The following TNXB variants were observed in gnomAD, a reference collection of about 807,000 sequenced individuals.
The protein encoded by TNXB is tenascin-X.
Under a neutral mutation model 340.5 loss-of-function variants are expected in TNXB, and 183 were observed. The ratio of observed to expected loss-of-function variants is 0.54; its 90% CI spans 0.48 to 0.61. TNXB has a LOEUF of 0.61. TNXB is among the 20% of genes least tolerant of loss of function. TNXB has a pLI of 0.00. For synonymous variants in TNXB, 2,121 were observed against 2,314.5 expected, an observed-to-expected ratio of 0.92 and a Z score of 2.40; for missense variants, 4,613 against 5,446.4, an observed-to-expected ratio of 0.85 and a Z score of 4.82.
chr6:32,078,765 C>T, intron 11 of TNXB: 1 of 473,878 alleles, frequency 2.1e-6, no homozygotes, highest in Non-Finnish European at 3.7e-6. Flanking sequence ...TGATGCTTTA[C>T]ATCTGTTAAC....
In TNXB at chr6:32,085,817, C is replaced by T. The variant is rs1256338432; in HGVS notation, c.3081G>A (p.Glu1027=). 3 of 1,601,784 alleles carry T rather than the reference C, an allele frequency of 1.9e-6. No homozygotes were observed. Among genetic ancestry groups the T allele is most frequent in the East Asian group, 2.2e-5 (1 of 44,822 alleles). ...CAGGAGGGACCCCATGAAGTGACAG[C>T]TCATACGGGGTTCCAGGAGGGGGTG... ...VPPPPPGTPY[E]LSLHGVPPGG... Residue 1027 remains glutamate (E), a synonymous_variant, in exon 7 of 44, where the codon GAG becomes GAA. Coordinates refer to ENST00000644971, the MANE Select transcript of TNXB (RefSeq NM_001365276.2). This position sits in a 1 kb window ranked among gnomAD's most constrained non-coding sequence, Gnocchi z 6.4.
At chr6:32,050,464 C>T in intron 26 of TNXB, 143 bp from the exon 27 acceptor site, 4 of 1,147,514 alleles carry the variant, frequency 3.5e-6, no homozygotes, top group Non-Finnish European at 4.9e-6. Context: ...CTCTCCTCCC[C>T]TGCGGCCTTT....
chr6:32,048,185 A>G (rs550809927), intron 29 of TNXB, among the ~76,000 whole-genome samples, 173 bp from the exon 30 acceptor site: 35 of 152,256 alleles, frequency 2.3e-4, no homozygotes, highest in Admixed American at 3.9e-4. Flanking sequence ...GGGTGCAGGG[A>G]AAGTAGGGAG....
chr6:32,055,655 C>G (rs1353443590), intron 24 of TNXB, among the ~76,000 whole-genome samples, 196 bp downstream of exon 24: 1 of 152,192 alleles, frequency 6.6e-6, no homozygotes, highest in Non-Finnish European at 1.5e-5. Context: ...CAGCAGCATC[C>G]GCATCATTTC....
chr6:32,054,753 C>A (rs1056389747), intron 24 of TNXB, among the ~76,000 whole-genome samples: 2 of 152,228 alleles, frequency 1.3e-5, no homozygotes, highest in African/African-American at 4.8e-5. Flanking sequence ...GTGTGTGTCA[C>A]TTTCCAGCTT....
In TNXB at chr6:32,069,052, TC is replaced by T; in HGVS notation, c.5671del (p.Glu1891ArgfsTer13). The part of the protein sequence containing the change: ...EPHLGELTVE[E>X]ATSHTLHLSW... ...GAGATGCAGGGTGTGTGACGTGGCC[TC>T]CTCCACTGTCAACTCCCCGAGGTGG... On this transcript the variant is annotated frameshift_variant, in exon 16 of 44. Transcript: ENST00000644971. LOFTEE classifies it high-confidence loss of function. This position sits in a 1 kb window ranked among gnomAD's most constrained non-coding sequence, Gnocchi z 6.2. 1 of 1,612,802 alleles carries T rather than the reference TC, an allele frequency of 6.2e-7. No individual in the cohort carries two copies. The highest frequency in any genetic ancestry group is 8.5e-7 in the Non-Finnish European group (1 of 1,179,844).
intron 23 of TNXB, among the ~76,000 whole-genome samples, 199 bp from the exon 24 acceptor site, chr6:32,056,373 G>C (rs1274293305): frequency 2.0e-5 from 3 of 152,102 alleles, no homozygotes; most frequent in African/African-American, 4.8e-5. Flanking sequence ...GGGGACCTGG[G>C]ACAGTCACCA....
At position 32,103,114 on chromosome 6, in the gene TNXB, T is replaced by G. The variant is rs138642630; in HGVS notation, c.-8-4908A>C. On this transcript the variant is annotated intron_variant, in intron 1 of 43. Transcript: ENST00000644971. ...GAGCTGCACACTTAAGACTTTGGCATTTTGCTGTATAAAAATTGAACCATG... is the reference window on the plus strand; with the variant it reads ...GAGCTGCACACTTAAGACTTTGGCAGTTTGCTGTATAAAAATTGAACCATG... Among the ~76,000 whole-genome samples the G allele has an allele frequency of 3.0e-3, 463 of 152,124 alleles. 7 individuals carry two copies. The South Asian group carries it at 0.034, about 11-fold the overall frequency.
chr6:32,041,521 G>T lies in TNXB; in HGVS notation c.12634-71C>A, dbSNP rs1465299055. The T allele has an allele frequency of 1.4e-5, 17 of 1,192,216 alleles. 1 individual carries two copies. Among genetic ancestry groups the T allele is most frequent in the Non-Finnish European group, 1.7e-5 (14 of 827,958 alleles). The allele number at this position is 1,192,216 out of a possible 1,614,324, so 73.9% of individuals were successfully genotyped here. ...CTGCTCTTCCCGTTCCCCTTAAGGA[G>T]GTAGCTCCCAGCACTCAACCAACCT... On this transcript the variant is annotated intron_variant, in intron 43 of 43. Coordinates refer to ENST00000644971, the MANE Select transcript of TNXB (RefSeq NM_001365276.2).
intron 29 of TNXB, 109 bp from the exon 30 acceptor site, chr6:32,048,121 T>C (rs1777019117): frequency 1.5e-6 from 2 of 1,368,710 alleles, no homozygotes; most frequent in East Asian, 2.3e-5. Context: ...GGAGGGTGAC[T>C]GGGCCAGGAG....
In TNXB at chr6:32,064,777, G is replaced by C; in HGVS notation, c.6841+44C>G. 2 of 1,584,500 alleles carry C rather than the reference G, an allele frequency of 1.3e-6. No homozygotes were observed. The highest frequency in any genetic ancestry group is 1.7e-6 in the Non-Finnish European group (2 of 1,164,324). ...AGATACTGACAATAAAAGGGAAACT[G>C]AGTCTAGTTCAGGGCAGGGCCCAGT... On this transcript the variant is annotated intron_variant, in intron 19 of 43. Coordinates refer to ENST00000644971, the MANE Select transcript of TNXB (RefSeq NM_001365276.2). This position sits in a 1 kb window ranked among gnomAD's most constrained non-coding sequence, Gnocchi z 5.3.
chr6:32,048,509 T>C lies in TNXB; in HGVS notation c.9899A>G (p.Gln3300Arg), dbSNP rs776725505. The change falls in exon 29 of 44, where the codon CAG (glutamine) becomes CGG (arginine). Residue 3300 changes from glutamine to arginine, a missense_variant. Transcript: ENST00000644971. ...DSFLVQYRDA[Q>R]GQPQAVPVSG... ...CACAGGCACTGCCTGGGGCTGCCCC[T>C]GCGCGTCCCTGTACTGTACCAGGAA... is the stretch of plus-strand genomic sequence containing the variant. 72 of 1,602,512 alleles carry C rather than the reference T, an allele frequency of 4.5e-5. No individual in the cohort carries two copies. The highest frequency in any genetic ancestry group is 1.0e-4 in the Admixed American group (6 of 59,866).
At position 32,043,777 on chromosome 6, in the gene TNXB, A is replaced by G. The variant is rs1404724187; in HGVS notation, c.11502T>C (p.Ser3834=). The change falls in exon 35 of 44, where the codon AGT becomes AGC. Residue 3834 remains serine, a synonymous_variant. Coordinates refer to ENST00000644971, the MANE Select transcript of TNXB (RefSeq NM_001365276.2). Reference sequence around the variant, plus strand: ...TGGTGAGGAAGCCTGTGAGAGGCTCACTCTCCTCAAAGCCTCGGACCGAGA... The same window carrying G: ...TGGTGAGGAAGCCTGTGAGAGGCTCGCTCTCCTCAAAGCCTCGGACCGAGA... The part of the protein sequence containing the change: ...TVVSVRGFEE[S]EPLTGFLTTV... 1.2e-6 allele frequency: 2 copies of G among 1,613,124 alleles called. No homozygotes were observed. Among genetic ancestry groups the G allele is most frequent in the Admixed American group, 1.7e-5 (1 of 59,998 alleles).
Position 32,058,788 on chromosome 6 carries a change from G to T in TNXB, c.7493-398C>A, listed in dbSNP as rs1777839755. 6.6e-6 allele frequency among the ~76,000 whole-genome samples: 1 copy of T among 151,846 alleles called. No homozygotes were observed. Among genetic ancestry groups the T allele is most frequent in the Admixed American group, 6.5e-5 (1 of 15,272 alleles). On this transcript the variant is annotated intron_variant, in intron 21 of 43. Coordinates refer to ENST00000644971, the MANE Select transcript of TNXB (RefSeq NM_001365276.2). This position sits in a 1 kb window ranked among gnomAD's most constrained non-coding sequence, Gnocchi z 5.1. ...CAGCAGATGTGTCAGGAACACAAAT[G>T]ACCCGTAGAAGATGATTAATTTTGT...
chr6:32,100,089 T>C (rs1780638121), intron 1 of TNXB, among the ~76,000 whole-genome samples: 1 of 151,704 alleles, frequency 6.6e-6, no homozygotes, highest in East Asian at 1.9e-4. Context: ...ATTTCTGACC[T>C]TGGAGTAAGC....
chr6:32,107,709 G>C (rs1781049929), intron 1 of TNXB, among the ~76,000 whole-genome samples: 1 of 152,062 alleles, frequency 6.6e-6, no homozygotes, highest in African/African-American at 2.4e-5. Context: ...TGCTCATTAG[G>C]GACTGTATAG....
At position 32,090,993 on chromosome 6, in the gene TNXB, C is replaced by A. The variant is rs1780047978; in HGVS notation, c.2359-1614G>T. On this transcript the variant is annotated intron_variant, in intron 4 of 43. Transcript: ENST00000644971. This position sits in a 1 kb window ranked among gnomAD's most constrained non-coding sequence, Gnocchi z 4.3. ...AGTTCTCCTTCTCCCTATATATATCCTTTAGACACTTCTTGGTTCCTCCTG... is the reference window on the plus strand; with the variant it reads ...AGTTCTCCTTCTCCCTATATATATCATTTAGACACTTCTTGGTTCCTCCTG... 6.6e-6 allele frequency among the ~76,000 whole-genome samples: 1 copy of A among 152,182 alleles called. No individual in the cohort carries two copies. The highest frequency in any genetic ancestry group is 2.4e-5 in the African/African-American group (1 of 41,446).
chr6:32,088,783 A>T lies in TNXB; in HGVS notation c.2779+2T>A. The T allele has an allele frequency of 1.3e-6, 2 of 1,566,706 alleles. No individual in the cohort carries two copies. Among genetic ancestry groups the T allele is most frequent in the Non-Finnish European group, 8.6e-7 (1 of 1,157,070 alleles). ...CCTTCCCTAACCTCTGGCCAGCCATACCTGTGTTGGCCCTGACAGAAGCTG... is the reference window on the plus strand; with the variant it reads ...CCTTCCCTAACCTCTGGCCAGCCATTCCTGTGTTGGCCCTGACAGAAGCTG... On this transcript the variant is annotated splice_donor_variant, in intron 6 of 43. Coordinates refer to ENST00000644971, the MANE Select transcript of TNXB (RefSeq NM_001365276.2). LOFTEE classifies it high-confidence loss of function.
intron 19 of TNXB, among the ~76,000 whole-genome samples, chr6:32,063,453 A>G (rs1185755321): frequency 1.3e-5 from 2 of 152,176 alleles, no homozygotes; most frequent in Non-Finnish European, 2.9e-5. Context: ...ACAACAGGCA[A>G]GTTGTATCAG....
Sources: gnomAD v4.1 joint callset for allele counts (sites outside exome capture counted in the v4.1 genomes callset) on GRCh38, gnomAD v4.1.1 for gene constraint, Gnocchi (gnomAD v3.1) non-coding constraint, MANE v1.5 for transcripts, NCBI Gene and HGNC (gene_info 2026-07-23, HGNC 2026-07-21) for gene names.